Variants in KIAA1217 observed in about 807,000 individuals in gnomAD.
The protein encoded by KIAA1217 is sickle tail protein homolog.
Under a neutral mutation model 163.9 loss-of-function variants are expected in KIAA1217, and 88 were observed. That is an observed-to-expected ratio of 0.54 (90% CI 0.45 to 0.64). The LOEUF is 0.64. Ranked by LOEUF, KIAA1217 falls within the 30% of genes least tolerant of loss-of-function variation. The probability of loss-of-function intolerance (pLI) is 0.00; values close to 1 mark genes in which losing one functional copy is unlikely to be tolerated. For synonymous variants in KIAA1217, 903 were observed against 923.1 expected (o/e 0.98, Z 0.39); for missense variants, 2,372 against 2,475.0 (o/e 0.96, Z 0.88).
rs533627631 is a variant in KIAA1217 at position 24,130,355 on chromosome 10, A to G, written c.-170-89271A>G. Among the ~76,000 whole-genome samples the G allele has an allele frequency of 8.5e-4, 129 of 152,306 alleles. 3 individuals carry two copies. The South Asian group carries it at 0.025, about 30-fold the overall frequency. ...CTATGTAAAAACATGTGTGATTGGC[A>G]TGCATTGGGCATGCCATGTTTTATT... is the stretch of plus-strand genomic sequence containing the variant. On this transcript the variant is annotated intron_variant, in intron 2 of 18. Transcript: ENST00000376462.
intron 2 of KIAA1217, among the ~76,000 whole-genome samples, chr10:24,347,772 T>C (rs1055849729): frequency 6.6e-5 from 10 of 152,196 alleles, no homozygotes; most frequent in South Asian, 2.1e-4. Context: ...GAGGTTTTTT[T>C]CCCCCCAGCT....
intron 13 of KIAA1217, 111 bp downstream of exon 13, chr10:24,524,875 A>G: frequency 9.6e-7 from 1 of 1,039,256 alleles, no homozygotes; most frequent in South Asian, 1.7e-5. Context: ...TGGATCAGAG[A>G]CAGGGTTTTG....
intron 2 of KIAA1217, among the ~76,000 whole-genome samples, chr10:24,200,671 A>G (rs1000485899): frequency 6.6e-6 from 1 of 152,120 alleles, no homozygotes; most frequent in African/African-American, 2.4e-5. Flanking sequence ...TTCATATTCG[A>G]ATTCTGTAAA....
intron 2 of KIAA1217, among the ~76,000 whole-genome samples, chr10:24,277,057 C>A (rs1260475038): frequency 1.3e-5 from 2 of 152,178 alleles, no homozygotes; most frequent in Non-Finnish European, 2.9e-5. Flanking sequence ...CCATGCCTGG[C>A]CTTAAATTTT....
intron 1 of KIAA1217, among the ~76,000 whole-genome samples, chr10:23,869,052 C>T (rs943759156): frequency 2.8e-5 from 4 of 140,956 alleles, no homozygotes; most frequent in African/African-American, 5.4e-5. Flanking sequence ...ATGCTAAGCA[C>T]GTTTTTTTTA....
At chr10:24,320,206 C>G (rs1006171031) in intron 2 of KIAA1217, among the ~76,000 whole-genome samples, 2 of 152,186 alleles carry the variant, frequency 1.3e-5, no homozygotes, top group Admixed American at 6.5e-5. Context: ...TTTAATTCCA[C>G]ACCACAGAAA....
chr10:24,463,540 A>G (rs1032032546), intron 5 of KIAA1217, among the ~76,000 whole-genome samples: 1 of 152,226 alleles, frequency 6.6e-6, no homozygotes, highest in African/African-American at 2.4e-5. Flanking sequence ...AATTTTACCA[A>G]TGCAAACAAG....
chr10:23,765,639 T>C (rs1203796785), intron 1 of KIAA1217, among the ~76,000 whole-genome samples: 1 of 152,156 alleles, frequency 6.6e-6, no homozygotes, highest in African/African-American at 2.4e-5. Flanking sequence ...GCCATGCTGT[T>C]CTCATGACCG....
intron 1 of KIAA1217, among the ~76,000 whole-genome samples, chr10:23,888,355 C>T (rs565046157): frequency 6.6e-6 from 1 of 152,042 alleles, no homozygotes; most frequent in East Asian, 2.0e-4. Flanking sequence ...TTCCTTCTCT[C>T]CGTTTAATCA....
At chr10:24,494,643 C>T in intron 7 of KIAA1217, 39 bp downstream of exon 7, 1 of 1,315,394 alleles carries the variant, frequency 7.6e-7, no homozygotes, top group South Asian at 1.2e-5. Context: ...ATAATTCAAT[C>T]TGTTTCTCTT....
intron 3 of KIAA1217, among the ~76,000 whole-genome samples, chr10:24,410,657 A>G (rs1044786029): frequency 3.9e-5 from 6 of 152,266 alleles, no homozygotes; most frequent in African/African-American, 1.4e-4. Context: ...AAAATCAAGT[A>G]GCCAACATTG....
chr10:23,699,569 C>A (rs1836285313), intron 1 of KIAA1217, among the ~76,000 whole-genome samples: 1 of 152,168 alleles, frequency 6.6e-6, no homozygotes, highest in Non-Finnish European at 1.5e-5. Context: ...CCTGTCTCTC[C>A]CCACCTATGC....
intron 2 of KIAA1217, among the ~76,000 whole-genome samples, chr10:24,118,117 C>A (rs1370142726): frequency 1.3e-5 from 2 of 150,622 alleles, no homozygotes; most frequent in African/African-American, 4.9e-5. Flanking sequence ...CTATAACAAA[C>A]CTGCACATGT....
intron 1 of KIAA1217, among the ~76,000 whole-genome samples, chr10:23,833,350 G>A (rs1181927510): frequency 1.3e-5 from 2 of 152,040 alleles, no homozygotes; most frequent in Non-Finnish European, 2.9e-5. Flanking sequence ...GAGTGTGACT[G>A]TGATTGCCTG....
intron 1 of KIAA1217, among the ~76,000 whole-genome samples, chr10:23,898,889 T>C (rs1841830151): frequency 6.6e-6 from 1 of 152,108 alleles, no homozygotes; most frequent in Non-Finnish European, 1.5e-5. Flanking sequence ...GATTCATCTA[T>C]GTTATATCAT....
intron 1 of KIAA1217, among the ~76,000 whole-genome samples, chr10:23,907,259 C>A (rs1406810711): frequency 6.6e-6 from 1 of 150,640 alleles, no homozygotes; most frequent in Non-Finnish European, 1.5e-5. Flanking sequence ...CTGTATTAGT[C>A]AGGGTTCTGC....
chr10:23,751,103 C>T (rs1388328773), intron 1 of KIAA1217, among the ~76,000 whole-genome samples: 1 of 151,962 alleles, frequency 6.6e-6, no homozygotes, highest in African/African-American at 2.4e-5. Flanking sequence ...TCTTAGCTCA[C>T]TGCAACCTCC....
chr10:23,779,921 T>C (rs1835180399), intron 1 of KIAA1217, among the ~76,000 whole-genome samples: 1 of 152,184 alleles, frequency 6.6e-6, no homozygotes, highest in Admixed American at 6.5e-5. Context: ...TTTAGTACGG[T>C]AATAGGCAGT....
chr10:23,841,166 G>A (rs897161980), intron 1 of KIAA1217, among the ~76,000 whole-genome samples: 2 of 152,184 alleles, frequency 1.3e-5, no homozygotes, highest in East Asian at 3.8e-4. Flanking sequence ...AGTGCTTTGT[G>A]ATAAATTTAG....
Sources: gnomAD v4.1 joint callset for allele counts (sites outside exome capture counted in the v4.1 genomes callset) on GRCh38, gnomAD v4.1.1 for gene constraint, MANE v1.5 for transcripts, NCBI Gene and HGNC (gene_info 2026-07-23, HGNC 2026-07-21) for gene names.